The following CENPE variants were observed in gnomAD, a reference collection of about 807,000 sequenced individuals.
CENPE encodes centromere protein E, also known as centromere-associated protein E.
A neutral mutation model predicts 336.1 loss-of-function variants in CENPE; 145 were observed. That is an observed-to-expected ratio of 0.43 (90% CI 0.38 to 0.50). The LOEUF (loss-of-function observed/expected upper bound fraction) is 0.50, where lower values mean the gene tolerates loss of function less well. Ranked by LOEUF, CENPE falls within the 20% of genes least tolerant of loss-of-function variation. The pLI is 0.00. For missense variants in CENPE, 2,719 were observed against 3,023.3 expected, an observed-to-expected ratio of 0.90 and a Z score of 2.36; for synonymous variants, 1,013 against 984.8, an observed-to-expected ratio of 1.03 and a Z score of -0.54.
chr4:103,123,268 GCA>G (rs1750798657), intron 42 of CENPE, among the ~76,000 whole-genome samples, 179 bp from the exon 43 acceptor site: 2 of 152,250 alleles, frequency 1.3e-5, no homozygotes, highest in East Asian at 3.9e-4. Flanking sequence ...ATTCTGAGTA[GCA>G]CAGTGAAATT....
At chr4:103,113,571 A>C (rs1454028023) in intron 46 of CENPE, among the ~76,000 whole-genome samples, 1 of 142,214 alleles carries the variant, frequency 7.0e-6, no homozygotes, top group Non-Finnish European at 1.5e-5. Context: ...TAAGTAATAT[A>C]TATTTTATAT....
chr4:103,129,330 A>C (rs963588473), intron 42 of CENPE, among the ~76,000 whole-genome samples: 46 of 152,324 alleles, frequency 3.0e-4, no homozygotes, highest in African/African-American at 1.1e-3. Flanking sequence ...TACAACCTAC[A>C]ATCTCTTCTA....
chr4:103,177,069 T>C, intron 13 of CENPE, 23 bp from the exon 14 acceptor site: 1 of 1,577,130 alleles, frequency 6.3e-7, no homozygotes. Context: ...AAATCAAAAT[T>C]ATGTCATATA....
chr4:103,167,875 C>T (rs934025020), intron 16 of CENPE, among the ~76,000 whole-genome samples: 26 of 152,286 alleles, frequency 1.7e-4, no homozygotes, highest in African/African-American at 5.1e-4. Flanking sequence ...TCTAGGGTCT[C>T]GGCAGATGGG....
intron 42 of CENPE, among the ~76,000 whole-genome samples, chr4:103,130,165 G>T (rs1257173413): frequency 6.6e-6 from 1 of 152,016 alleles, no homozygotes; most frequent in Non-Finnish European, 1.5e-5. Context: ...CCAAATTAAC[G>T]CCATAAGACA....
chr4:103,183,828 C>A (rs373502640), intron 9 of CENPE, among the ~76,000 whole-genome samples: 1 of 152,074 alleles, frequency 6.6e-6, no homozygotes. Context: ...AATACAAGTT[C>A]GTATGTATTT....
intron 43 of CENPE, among the ~76,000 whole-genome samples, chr4:103,122,174 T>C (rs1750693075): frequency 6.6e-6 from 1 of 152,212 alleles, no homozygotes; most frequent in African/African-American, 2.4e-5. Flanking sequence ...ATCAAAACAC[T>C]GTATACTAGT....
chr4:103,185,921 C>G, intron 8 of CENPE, 60 bp from the exon 9 acceptor site: 1 of 1,134,184 alleles, frequency 8.8e-7, no homozygotes, highest in East Asian at 2.4e-5. Flanking sequence ...AAAATTCAAA[C>G]TACTGAAAGA....
At position 103,147,524 on chromosome 4, in the gene CENPE, T is replaced by C; in HGVS notation, c.3966A>G (p.Thr1322=). The C allele has an allele frequency of 6.2e-7, 1 of 1,614,064 alleles. No individual in the cohort carries two copies. Among genetic ancestry groups the C allele is most frequent in the Non-Finnish European group, 8.5e-7 (1 of 1,179,996 alleles). The change falls in exon 29 of 49, where the codon ACA becomes ACG. Residue 1322 remains threonine (T), a synonymous_variant. Transcript: ENST00000265148. The part of the protein sequence containing the change: ...TEQSTTKDST[T]LARIEMERLR... ...GCCTTTCCATTTCTATTCTTGCCAG[T>C]GTTGTTGAGTCCTTGGTTGTGGACT... is the stretch of plus-strand genomic sequence containing the variant.
At chr4:103,110,778 ATAT>A (rs776327676) in intron 47 of CENPE, 47 bp downstream of exon 47, 1 of 1,412,018 alleles carries the variant, frequency 7.1e-7, no homozygotes, top group Non-Finnish European at 9.6e-7. Flanking sequence ...GTCCCTACAT[ATAT>A]GTAATAGCCG....
In CENPE at chr4:103,133,856, G is replaced by T; in HGVS notation, c.6559C>A (p.Gln2187Lys). ...LSYVTKIKEE[Q>K]HESINKFEMD... ...TCAAATTTATTGATGGATTCATGTTGTTCTTCTTTTATTTTTGTAACATAG... is the reference window on the plus strand; with the variant it reads ...TCAAATTTATTGATGGATTCATGTTTTTCTTCTTTTATTTTTGTAACATAG... Residue 2187 changes from glutamine (Q) to lysine (K), a missense_variant, in exon 41 of 49, where the codon CAA becomes AAA. Coordinates refer to ENST00000265148, the MANE Select transcript of CENPE (RefSeq NM_001813.3). 1 of 1,593,898 alleles carries T rather than the reference G, an allele frequency of 6.3e-7. No homozygotes were observed. Among genetic ancestry groups the T allele is most frequent in the Non-Finnish European group, 8.6e-7 (1 of 1,166,390 alleles).
Position 103,180,480 on chromosome 4 carries a change from C to T in CENPE, c.1084-11G>A, listed in dbSNP as rs748741350. The T allele has an allele frequency of 6.3e-7, 1 of 1,590,094 alleles. No homozygotes were observed. The highest frequency in any genetic ancestry group is 8.6e-7 in the Non-Finnish European group (1 of 1,166,100). ...CGTCTCTAAAGAAACCTATAGAATG[C>T]AATATTGGATTATGTTAATAATAAA... On this transcript the variant is annotated splice_polypyrimidine_tract_variant and intron_variant, in intron 12 of 48. Coordinates refer to ENST00000265148, the MANE Select transcript of CENPE (RefSeq NM_001813.3).
intron 13 of CENPE, among the ~76,000 whole-genome samples, chr4:103,178,463 A>G (rs1193907221): frequency 6.6e-6 from 1 of 152,194 alleles, no homozygotes; most frequent in African/African-American, 2.4e-5. Flanking sequence ...AACTCCTAAG[A>G]GTACTACCTG....
At chr4:103,183,080 G>T in intron 10 of CENPE, 121 bp downstream of exon 10, 1 of 888,516 alleles carries the variant, frequency 1.1e-6, no homozygotes, top group Non-Finnish European at 1.7e-6. Context: ...ATAATCATAT[G>T]TATAAGTTTT....
chr4:103,120,143 G>T lies in CENPE; in HGVS notation c.7329+5C>A, dbSNP rs1206287837. ...AAACAACTTTTATTTTTATGTTTAAGTTACCTGAAGTACTTGAATTGTCTC... is the reference window on the plus strand; with the variant it reads ...AAACAACTTTTATTTTTATGTTTAATTTACCTGAAGTACTTGAATTGTCTC... On this transcript the variant is annotated splice_donor_5th_base_variant and intron_variant, in intron 44 of 48. Coordinates refer to ENST00000265148, the MANE Select transcript of CENPE (RefSeq NM_001813.3). 5 of 1,572,360 alleles carry T rather than the reference G, an allele frequency of 3.2e-6. No homozygotes were observed. The highest frequency in any genetic ancestry group is 4.3e-6 in the Non-Finnish European group (5 of 1,158,008).
At chr4:103,108,778 C>A (rs753865759) in intron 48 of CENPE, 25 bp downstream of exon 48, 1 of 1,592,772 alleles carries the variant, frequency 6.3e-7, no homozygotes, top group Non-Finnish European at 8.6e-7. Flanking sequence ...CCTCTGATTT[C>A]CAAGTAACCA....
chr4:103,108,620 C>T (rs549210382), intron 48 of CENPE, among the ~76,000 whole-genome samples, 183 bp downstream of exon 48: 2 of 152,240 alleles, frequency 1.3e-5, no homozygotes, highest in South Asian at 2.1e-4. Flanking sequence ...AAGTGAATTG[C>T]ACTTCACTGT....
At chr4:103,107,742 T>G (rs923210910) in intron 48 of CENPE, among the ~76,000 whole-genome samples, 1 of 152,204 alleles carries the variant, frequency 6.6e-6, no homozygotes, top group African/African-American at 2.4e-5. Flanking sequence ...CCCGTCGGTC[T>G]ACTTCTCTCC....
At chr4:103,135,285 A>C (rs933002717) in intron 40 of CENPE, among the ~76,000 whole-genome samples, 10 of 152,124 alleles carry the variant, frequency 6.6e-5, no homozygotes, top group African/African-American at 2.4e-4. Context: ...CTCAAATCTA[A>C]ATGTCTACTT....
Sources: allele counts gnomAD v4.1 joint callset (sites outside exome capture counted in the v4.1 genomes callset), GRCh38; gene constraint gnomAD v4.1.1; transcripts MANE v1.5; gene names NCBI Gene and HGNC (gene_info 2026-07-23, HGNC 2026-07-21).